RNF20: variants seen among roughly 807,000 people sequenced by gnomAD.
RNF20 encodes ring finger protein 20, also known as E3 ubiquitin-protein ligase BRE1A.
In RNF20, 84 loss-of-function variants were observed where a neutral mutation model predicts 126.2. That is an observed-to-expected ratio of 0.67 (90% confidence interval 0.56 to 0.80). The LOEUF is 0.80. Ranked by LOEUF, RNF20 falls within the 30% of genes least tolerant of loss-of-function variation. The pLI, the probability that RNF20 is intolerant of heterozygous loss-of-function variation, is 0.00. For synonymous variants in RNF20, 400 were observed against 414.3 expected, an observed-to-expected ratio of 0.97 and a Z score of 0.42; for missense variants, 869 against 1,188.2, an observed-to-expected ratio of 0.73 and a Z score of 3.95.
chr9:101,540,093 A>G (rs982903196), intron 2 of RNF20, 110 bp from the exon 3 acceptor site: 16 of 1,055,776 alleles, frequency 1.5e-5, no homozygotes, highest in South Asian at 1.3e-4. Flanking sequence ...TTAAAAGTCA[A>G]TAGCTTTATT....
At chr9:101,558,074 G>A (rs929522054) in intron 16 of RNF20, among the ~76,000 whole-genome samples, 9 of 149,310 alleles carry the variant, frequency 6.0e-5, no homozygotes, top group Non-Finnish European at 1.0e-4. Context: ...ACATGAATAA[G>A]TTCTTTAGTG....
At chr9:101,561,404 T>C in intron 18 of RNF20, 174 bp downstream of exon 18, 1 of 636,202 alleles carries the variant, frequency 1.6e-6, no homozygotes, top group Admixed American at 3.1e-5. Context: ...TCAGACTCTT[T>C]TATGGTGCCT....
rs1183779836 is a variant in RNF20, at chr9:101,547,490, A to C, written c.1064A>C (p.Glu355Ala). The part of the protein sequence containing the change: ...ELEKLRQDFE[E>A]VTTQNEKLKV... ...GAGAAACTTCGGCAAGACTTTGAGG[A>C]GGTCACTACACAAAATGAAAAGCTG... is the stretch of plus-strand genomic sequence containing the variant. The change falls in exon 9 of 20, where the codon GAG becomes GCG. Residue 355 changes from glutamate to alanine, a missense_variant. By Grantham distance (107) the Glu-to-Ala change is moderately radical (BLOSUM62 -1). Around this residue, in one of 8 missense-constraint regions of RNF20, gnomAD observed 153 missense variants for 226.4 expected, o/e 0.68. Transcript: ENST00000389120. 1 of 1,614,036 alleles carries C rather than the reference A, an allele frequency of 6.2e-7. No individual in the cohort carries two copies. The highest frequency in any genetic ancestry group is 8.5e-7 in the Non-Finnish European group (1 of 1,179,996).
In RNF20 at chr9:101,552,120, ATTG is replaced by A. The variant is rs1827457047; in HGVS notation, c.1409-15_1409-13del. 6.2e-7 allele frequency: 1 copy of A among 1,613,690 alleles called. No homozygotes were observed. The highest frequency in any genetic ancestry group is 8.5e-7 in the Non-Finnish European group (1 of 1,179,932). On this transcript the variant is annotated intron_variant, in intron 11 of 19. Transcript: ENST00000389120. ...TGCCCTTACCACGGTTCCTCATAACATTGTTGTTCCTGTATTTAAGGCCCTATA... is the reference window on the plus strand; with the variant it reads ...TGCCCTTACCACGGTTCCTCATAACATTGTTCCTGTATTTAAGGCCCTATA...
At chr9:101,561,338 C>A in intron 18 of RNF20, 108 bp downstream of exon 18, 1 of 1,201,120 alleles carries the variant, frequency 8.3e-7, no homozygotes, top group Non-Finnish European at 1.2e-6. Context: ...TCCTACTAGA[C>A]TTGAGGAAGT....
At chr9:101,543,386 A>T (rs1382989125) in intron 5 of RNF20, among the ~76,000 whole-genome samples, 1 of 119,434 alleles carries the variant, frequency 8.4e-6, no homozygotes, top group South Asian at 2.9e-4. Context: ...GCACTGTCTA[A>T]CCTGCCAGAG....
At chr9:101,557,727 A>G (rs1041024252) in intron 16 of RNF20, 131 bp downstream of exon 16, 1 of 636,398 alleles carries the variant, frequency 1.6e-6, no homozygotes, top group Non-Finnish European at 2.8e-6. Context: ...AATGTTCATC[A>G]TTAGGGTATT....
At position 101,550,734 on chromosome 9, in the gene RNF20, C is replaced by T. The variant is rs138477445; in HGVS notation, c.1221C>T (p.Thr407=). The T allele has an allele frequency of 2.0e-5, 32 of 1,614,160 alleles. 1 individual carries two copies. In the African/African-American group the frequency reaches 4.0e-4, roughly 20 times the overall value. The stretch of plus-strand genomic sequence containing the variant: ...AAGCACACTTGGATGAGGCTCGGAC[C>T]CTGCTTCATGGCACCAGAGGAACCC... ...QLKAHLDEAR[T]LLHGTRGTHQ... The change falls in exon 10 of 20, where the codon ACC becomes ACT. Residue 407 remains threonine (T), a synonymous_variant. Coordinates refer to ENST00000389120, the MANE Select transcript of RNF20 (RefSeq NM_019592.7).
chr9:101,540,185 G>A lies in RNF20; in HGVS notation c.130-18G>A, dbSNP rs141916692. On this transcript the variant is annotated intron_variant, in intron 2 of 19. Coordinates refer to ENST00000389120, the MANE Select transcript of RNF20 (RefSeq NM_019592.7). ...CTTATTTCTTTGTGGAGACTAATACGATTGGTTTACTGGGCAGGAGGAACT... is the reference window on the plus strand; with the variant it reads ...CTTATTTCTTTGTGGAGACTAATACAATTGGTTTACTGGGCAGGAGGAACT... 216 of 1,610,790 alleles carry A rather than the reference G, an allele frequency of 1.3e-4. 2 individuals are homozygous for A. In the African/African-American group the frequency reaches 2.8e-3, roughly 21 times the overall value.
intron 10 of RNF20, 78 bp downstream of exon 10, chr9:101,550,863 T>G (rs897508214): frequency 8.1e-7 from 1 of 1,233,924 alleles, no homozygotes; most frequent in East Asian, 2.3e-5. Context: ...TCATGTGCAA[T>G]TAATCTCTCA....
chr9:101,555,678 G>A (rs375952785), intron 15 of RNF20, among the ~76,000 whole-genome samples: 14 of 151,936 alleles, frequency 9.2e-5, no homozygotes, highest in African/African-American at 2.2e-4. Flanking sequence ...TGGGCTGGGC[G>A]CGGTGGCTCA....
chr9:101,560,930 T>A lies in RNF20; in HGVS notation c.2508+4T>A. The stretch of plus-strand genomic sequence containing the variant: ...CTTAGAGATGAATAAACGCAAGGTA[T>A]GATTGATTAATCTAATGATGGTTAG... On this transcript the variant is annotated splice_donor_region_variant and intron_variant, in intron 17 of 19. Transcript: ENST00000389120. 6.2e-7 allele frequency: 1 copy of A among 1,608,964 alleles called. No individual in the cohort carries two copies. The highest frequency in any genetic ancestry group is 8.5e-7 in the Non-Finnish European group (1 of 1,178,358).
intron 16 of RNF20, among the ~76,000 whole-genome samples, chr9:101,560,258 A>C (rs1564113244): frequency 6.6e-6 from 1 of 152,178 alleles, no homozygotes; most frequent in Non-Finnish European, 1.5e-5. Context: ...CCACTTGATC[A>C]TGGTGGACTA....
chr9:101,541,163 C>G (rs572318679), intron 5 of RNF20, among the ~76,000 whole-genome samples, 188 bp downstream of exon 5: 1 of 152,152 alleles, frequency 6.6e-6, no homozygotes, highest in Non-Finnish European at 1.5e-5. Flanking sequence ...ATTGAATCCT[C>G]GAACTCAAGC....
chr9:101,561,758 C>A, intron 18 of RNF20, 152 bp from the exon 19 acceptor site: 1 of 686,714 alleles, frequency 1.5e-6, no homozygotes, highest in Non-Finnish European at 2.6e-6. Flanking sequence ...AAATATCCTG[C>A]CATTTGCAGT....
Position 101,547,369 on chromosome 9 carries a change from T to C in RNF20, c.973-30T>C, listed in dbSNP as rs767699563. ...AGAAATGATTTAAGAAGAATACTTA[T>C]TTATTCTCTATTTTTCTGCTTCTCT... On this transcript the variant is annotated intron_variant, in intron 8 of 19. Coordinates refer to ENST00000389120, the MANE Select transcript of RNF20 (RefSeq NM_019592.7). 1.9e-6 allele frequency: 3 copies of C among 1,612,016 alleles called. No individual in the cohort carries two copies. In the South Asian group the frequency reaches 3.3e-5, roughly 18 times the overall value.
chr9:101,561,445 T>C (rs1827627417), intron 18 of RNF20: 2 of 510,464 alleles, frequency 3.9e-6, no homozygotes, highest in Non-Finnish European at 6.9e-6. Flanking sequence ...TAAATATTTG[T>C]TAAATTAATG....
chr9:101,557,639 T>C (rs1400608303), intron 16 of RNF20, 43 bp downstream of exon 16: 1 of 1,426,336 alleles, frequency 7.0e-7, no homozygotes, highest in Non-Finnish European at 9.8e-7. Context: ...TGAAATAGGG[T>C]GCTTTCTACA....
chr9:101,555,687 C>T (rs773117635), intron 15 of RNF20, among the ~76,000 whole-genome samples: 7 of 151,910 alleles, frequency 4.6e-5, no homozygotes, highest in Non-Finnish European at 1.0e-4. Flanking sequence ...CGCGGTGGCT[C>T]ATGCCTGTAA....
Sources: allele counts gnomAD v4.1 joint callset (sites outside exome capture counted in the v4.1 genomes callset), GRCh38; gene constraint gnomAD v4.1.1; regional missense constraint gnomAD v4.1.1; transcripts MANE v1.5; gene names NCBI Gene and HGNC (gene_info 2026-07-23, HGNC 2026-07-21).